UST: variants seen among roughly 807,000 people sequenced by gnomAD.
UST encodes chondroitin sulfate 2-O-sulfotransferase.
UST carries 21 observed loss-of-function variants against 45.6 expected under a neutral mutation model. The observed-to-expected ratio is 0.46, with a 90% CI of 0.33 to 0.66. The LOEUF (loss-of-function observed/expected upper bound fraction) is 0.66, where lower values mean the gene tolerates loss of function less well. Ranked by LOEUF, UST falls within the 30% of genes least tolerant of loss-of-function variation. The probability of loss-of-function intolerance (pLI) is 0.02; values close to 1 mark genes in which losing one functional copy is unlikely to be tolerated. For synonymous variants in UST, 215 were observed against 200.6 expected (o/e 1.07, Z -0.61); for missense variants, 463 against 512.4 (o/e 0.90, Z 0.93).
At chr6:148,788,827 T>C (rs983604117) in intron 1 of UST, among the ~76,000 whole-genome samples, 2 of 152,212 alleles carry the variant, frequency 1.3e-5, no homozygotes, top group Non-Finnish European at 2.9e-5. Context: ...GCAAATTATT[T>C]TTACTTAAGG....
At chr6:148,877,589 A>G (rs1383747042) in intron 1 of UST, among the ~76,000 whole-genome samples, 31 of 52,692 alleles carry the variant, frequency 5.9e-4, no homozygotes, top group African/African-American at 8.8e-4. Context: ...TATGAGTGCG[A>G]GGGGTCGTGT....
chr6:149,055,067 G>A (rs1480946706), intron 7 of UST, among the ~76,000 whole-genome samples: 1 of 152,056 alleles, frequency 6.6e-6, no homozygotes, highest in Non-Finnish European at 1.5e-5. Flanking sequence ...ACGGCAGTCA[G>A]CCCAGCCAGG....
At chr6:148,837,587 G>A (rs955139401) in intron 1 of UST, among the ~76,000 whole-genome samples, 83 of 152,278 alleles carry the variant, frequency 5.5e-4, no homozygotes, top group Admixed American at 2.0e-3. Flanking sequence ...GGAAAAATAT[G>A]AGGATATGTA....
At chr6:148,875,371 A>T (rs1484277243) in intron 1 of UST, among the ~76,000 whole-genome samples, 6 of 152,246 alleles carry the variant, frequency 3.9e-5, no homozygotes. Context: ...ATTTTAGAAG[A>T]TATATCAAGA....
At chr6:148,868,290 T>C (rs780020739) in intron 1 of UST, among the ~76,000 whole-genome samples, 5 of 152,356 alleles carry the variant, frequency 3.3e-5, no homozygotes, top group Middle Eastern at 3.4e-3. Flanking sequence ...TTGGATATAT[T>C]TGGAATTCAC....
At chr6:149,006,056 C>T (rs949221463) in intron 5 of UST, among the ~76,000 whole-genome samples, 6 of 152,306 alleles carry the variant, frequency 3.9e-5, no homozygotes, top group Middle Eastern at 3.4e-3. Context: ...TCACAGTGGG[C>T]GTTTCTTGCA....
intron 2 of UST, among the ~76,000 whole-genome samples, chr6:148,898,359 T>C (rs998928018): frequency 6.6e-6 from 1 of 152,234 alleles, no homozygotes; most frequent in African/African-American, 2.4e-5. Context: ...GGGTAATTAA[T>C]AGCTTATAAG....
chr6:148,820,774 A>T (rs191626684), intron 1 of UST, among the ~76,000 whole-genome samples: 12 of 149,484 alleles, frequency 8.0e-5, no homozygotes, highest in African/African-American at 3.0e-4. Context: ...AATGGCGTGA[A>T]CCTGGGAGGT....
At chr6:148,912,541 C>A (rs1158189243) in intron 2 of UST, among the ~76,000 whole-genome samples, 2 of 152,232 alleles carry the variant, frequency 1.3e-5, no homozygotes, top group African/African-American at 4.8e-5. Context: ...CAAGGAGAAG[C>A]AACTCTTATC....
At chr6:148,977,335 G>A (rs925974331) in intron 5 of UST, among the ~76,000 whole-genome samples, 13 of 151,652 alleles carry the variant, frequency 8.6e-5, no homozygotes, top group African/African-American at 3.1e-4. Context: ...ATATAATATA[G>A]AGTGACTATT....
chr6:149,021,658 T>G (rs1425589708), intron 7 of UST, among the ~76,000 whole-genome samples, 177 bp downstream of exon 7: 1 of 152,212 alleles, frequency 6.6e-6, no homozygotes, highest in Non-Finnish European at 1.5e-5. Context: ...GCCAAAATCT[T>G]GAGCTTCATG....
intron 2 of UST, among the ~76,000 whole-genome samples, chr6:148,919,664 T>C (rs1175162801): frequency 6.6e-6 from 1 of 152,224 alleles, no homozygotes; most frequent in East Asian, 1.9e-4. Context: ...CTGAAAACTG[T>C]TATTCAGTGC....
At chr6:149,031,990 T>C (rs2115026109) in intron 7 of UST, among the ~76,000 whole-genome samples, 1 of 152,268 alleles carries the variant, frequency 6.6e-6, no homozygotes, top group Middle Eastern at 3.4e-3. Context: ...ATAGAAGCAC[T>C]CAGAGTGAGG....
At chr6:148,994,498 T>G (rs1056923411) in intron 5 of UST, among the ~76,000 whole-genome samples, 5 of 152,164 alleles carry the variant, frequency 3.3e-5, no homozygotes, top group African/African-American at 1.2e-4. Flanking sequence ...CTGATTGTGT[T>G]TTTTGGGGGA....
intron 5 of UST, among the ~76,000 whole-genome samples, chr6:149,002,273 A>T (rs1470556706): frequency 5.3e-5 from 8 of 152,154 alleles, no homozygotes; most frequent in Non-Finnish European, 1.0e-4. Context: ...AAGAAAAAAG[A>T]TGCAGGAAAA....
At chr6:148,750,779 C>T (rs760391860) in intron 1 of UST, among the ~76,000 whole-genome samples, 8 of 152,178 alleles carry the variant, frequency 5.3e-5, no homozygotes, top group African/African-American at 1.2e-4. Flanking sequence ...TCTACCTTTC[C>T]GTATTAATCC....
At chr6:148,804,665 T>C (rs1286200499) in intron 1 of UST, among the ~76,000 whole-genome samples, 1 of 152,178 alleles carries the variant, frequency 6.6e-6, no homozygotes, top group African/African-American at 2.4e-5. Flanking sequence ...AACATTTGTC[T>C]TTAAGGTTTA....
At position 148,953,852 on chromosome 6, in the gene UST, A is replaced by AT. The variant is rs2114940159; in HGVS notation, c.448-15dup. On this transcript the variant is annotated intron_variant, in intron 3 of 7. Transcript: ENST00000367463. ...GGTAAATTAGATCCTATATATGCTA[A>AT]TTTTTACTTTTTTTAATAGATGGAA... 2 of 1,520,364 alleles carry AT rather than the reference A, an allele frequency of 1.3e-6. No individual in the cohort carries two copies. The highest frequency in any genetic ancestry group is 1.8e-6 in the Non-Finnish European group (2 of 1,116,288). The allele number at this position is 1,520,364 out of a possible 1,614,324, so 94.2% of individuals were successfully genotyped here.
intron 1 of UST, among the ~76,000 whole-genome samples, chr6:148,764,061 T>C (rs1419633401): frequency 6.6e-6 from 1 of 152,236 alleles, no homozygotes; most frequent in Non-Finnish European, 1.5e-5. Flanking sequence ...AGGAATTGCA[T>C]GTAATCTATA....
Sources: allele counts gnomAD v4.1 joint callset (sites outside exome capture counted in the v4.1 genomes callset), GRCh38; gene constraint gnomAD v4.1.1; transcripts MANE v1.5; gene names NCBI Gene and HGNC (gene_info 2026-07-23, HGNC 2026-07-21).